SPECC1: variants seen among roughly 807,000 people sequenced by gnomAD.
SPECC1 encodes cytospin-B.
In SPECC1, 62 loss-of-function variants were observed where a neutral mutation model predicts 104.1. That is an observed-to-expected ratio of 0.60 (90% CI 0.49 to 0.74). The LOEUF (loss-of-function observed/expected upper bound fraction) is 0.74, where lower values mean the gene tolerates loss of function less well. Among genes scored for constraint, SPECC1 ranks in the 30% least tolerant of loss-of-function variants. The pLI, the probability that SPECC1 is intolerant of heterozygous loss-of-function variation, is 0.00. For synonymous variants in SPECC1, 513 were observed against 501.6 expected, an observed-to-expected ratio of 1.02 and a Z score of -0.30; for missense variants, 1,306 against 1,310.5, an observed-to-expected ratio of 1.00 and a Z score of 0.05.
chr17:20,204,011 GTGT>G (rs2151343176), intron 3 of SPECC1, among the ~76,000 whole-genome samples: 1 of 152,300 alleles, frequency 6.6e-6, no homozygotes, highest in South Asian at 2.1e-4. Flanking sequence ...TGGTCCCGTG[GTGT>G]TTAATAGCTT....
chr17:20,221,542 C>G (rs2037875492), intron 4 of SPECC1, among the ~76,000 whole-genome samples: 1 of 151,686 alleles, frequency 6.6e-6, no homozygotes, highest in Non-Finnish European at 1.5e-5. Flanking sequence ...TTAATTGGGT[C>G]TTCTCTTTTT....
intron 2 of SPECC1, among the ~76,000 whole-genome samples, chr17:20,104,247 C>G (rs2048079737): frequency 6.6e-6 from 1 of 152,114 alleles, no homozygotes; most frequent in South Asian, 2.1e-4. Context: ...AGTGCAGGAT[C>G]GTGAAGGCAT....
intron 1 of SPECC1, among the ~76,000 whole-genome samples, chr17:20,021,683 A>ATATATATATATATATATATAT: frequency 1.5e-5 from 2 of 132,352 alleles, no homozygotes; most frequent in East Asian, 4.3e-4. Flanking sequence ...ATAATATAAT[A>ATATATATATATATATATATAT]ATATATATAT....
At chr17:20,082,980 TCG>T (rs2047037915) in intron 1 of SPECC1, among the ~76,000 whole-genome samples, 1 of 151,458 alleles carries the variant, frequency 6.6e-6, no homozygotes, top group African/African-American at 2.4e-5. Flanking sequence ...GTTCGTTCGT[TCG>T]TTCGTTCGTT....
chr17:20,258,381 C>A (rs1330857011), intron 11 of SPECC1, among the ~76,000 whole-genome samples: 1 of 152,188 alleles, frequency 6.6e-6, no homozygotes, highest in Admixed American at 6.5e-5. Flanking sequence ...ACCTCTGTCA[C>A]CTCCTCCCTT....
chr17:20,141,007 C>T (rs1446605396), intron 3 of SPECC1, among the ~76,000 whole-genome samples: 1 of 152,198 alleles, frequency 6.6e-6, no homozygotes, highest in African/African-American at 2.4e-5. Flanking sequence ...ACGGGGCCTG[C>T]TGCCGGGGCC....
intron 7 of SPECC1, among the ~76,000 whole-genome samples, chr17:20,233,657 CCAGA>C (rs2038736425): frequency 2.0e-5 from 3 of 152,230 alleles, no homozygotes; most frequent in Admixed American, 6.5e-5. Context: ...TACACATGCG[CCAGA>C]CAAGGTCATT....
chr17:20,273,415 C>T (rs1437936854), intron 12 of SPECC1, among the ~76,000 whole-genome samples: 4 of 150,716 alleles, frequency 2.7e-5, no homozygotes, highest in South Asian at 2.1e-4. Flanking sequence ...GAGGCGGAGG[C>T]GAGATCGTGC....
chr17:20,294,494 G>C (rs1167872853), intron 12 of SPECC1, among the ~76,000 whole-genome samples: 1 of 152,188 alleles, frequency 6.6e-6, no homozygotes, highest in South Asian at 2.1e-4. Context: ...GAGCAATCCA[G>C]AGACAGTCTT....
chr17:20,169,063 G>T (rs2033885650), intron 3 of SPECC1, among the ~76,000 whole-genome samples: 1 of 152,108 alleles, frequency 6.6e-6, no homozygotes, highest in African/African-American at 2.4e-5. Context: ...TGTAGAGACG[G>T]GGTTTCACTA....
rs71157856 is a variant in SPECC1 at position 20,051,068 on chromosome 17, T to TTTTC, written c.-22+41713_-22+41716dup. On this transcript the variant is annotated intron_variant, in intron 1 of 14. Coordinates refer to ENST00000395527, the MANE Select transcript of SPECC1 (RefSeq NM_001243439.2). ...CTTGGTTCTTTCTTTCTTTCTTTCT[T>TTTTC]TTTCTTTCTTTCTTTCTTTCTTTCT... 3.7e-3 allele frequency among the ~76,000 whole-genome samples: 335 copies of TTTTC among 90,644 alleles called. 2 individuals carry two copies. Among genetic ancestry groups the TTTTC allele is most frequent in the East Asian group, 0.013 (38 of 3,028 alleles). The allele number at this position is 90,644 out of a possible 152,430, so 59.5% of individuals were successfully genotyped here. A position where few individuals can be genotyped will look rare whatever the true frequency, so the allele number is the denominator to read the frequency against.
intron 1 of SPECC1, among the ~76,000 whole-genome samples, chr17:20,058,300 GA>G (rs1047976125): frequency 4.6e-5 from 7 of 152,262 alleles, no homozygotes; most frequent in Admixed American, 6.5e-5. Flanking sequence ...ACTGCATGTT[GA>G]AAAGCCTGAT....
At position 20,266,711 on chromosome 17, in the gene SPECC1, T is replaced by C. The variant is rs542024170; in HGVS notation, c.2940+6417T>C. Among the ~76,000 whole-genome samples, 13 of 152,270 alleles carry C rather than the reference T, an allele frequency of 8.5e-5. No individual in the cohort carries two copies. In the Middle Eastern group the frequency reaches 0.01, roughly 120 times the overall value. On this transcript the variant is annotated intron_variant, in intron 12 of 14. Coordinates refer to ENST00000395527, the MANE Select transcript of SPECC1 (RefSeq NM_001243439.2). The stretch of plus-strand genomic sequence containing the variant: ...GTTAACTGAAATAAAAGGTAACATA[T>C]GTACGGTATTTGAAGGTTGTATTGC...
chr17:20,223,769 C>T (rs999306902), intron 4 of SPECC1, among the ~76,000 whole-genome samples: 1 of 152,114 alleles, frequency 6.6e-6, no homozygotes, highest in Non-Finnish European at 1.5e-5. Context: ...TGAGCTTCCT[C>T]AAAACAGCTA....
intron 3 of SPECC1, among the ~76,000 whole-genome samples, chr17:20,197,494 C>T (rs2036115384): frequency 8.0e-6 from 1 of 124,370 alleles, no homozygotes; most frequent in Non-Finnish European, 1.7e-5. Context: ...TTCTGAGCTA[C>T]AGCACGGGAC....
intron 3 of SPECC1, among the ~76,000 whole-genome samples, chr17:20,114,160 A>G (rs899624285): frequency 1.3e-5 from 2 of 152,164 alleles, no homozygotes; most frequent in Admixed American, 1.3e-4. Context: ...GTCAGCACCT[A>G]TGATTCTTTT....
intron 1 of SPECC1, among the ~76,000 whole-genome samples, chr17:20,027,325 C>T (rs2044637043): frequency 2.0e-5 from 3 of 152,136 alleles, no homozygotes; most frequent in Admixed American, 6.6e-5. Context: ...GTTCTGGATA[C>T]TAGTCCCTTG....
chr17:20,025,706 AT>A (rs910913031), intron 1 of SPECC1, among the ~76,000 whole-genome samples: 1 of 151,992 alleles, frequency 6.6e-6, no homozygotes, highest in African/African-American at 2.4e-5. Context: ...ATATGTTTTC[AT>A]TTTTTTGGTT....
chr17:20,251,517 A>G (rs748446373), intron 9 of SPECC1, among the ~76,000 whole-genome samples: 2 of 152,190 alleles, frequency 1.3e-5, no homozygotes, highest in Non-Finnish European at 2.9e-5. Flanking sequence ...AAAACTGTAT[A>G]CCACGACCAT....
Sources: gnomAD v4.1 joint callset for allele counts (sites outside exome capture counted in the v4.1 genomes callset) on GRCh38, gnomAD v4.1.1 for gene constraint, MANE v1.5 for transcripts, NCBI Gene and HGNC (gene_info 2026-07-23, HGNC 2026-07-21) for gene names.